GALNTL6: variants seen among roughly 807,000 people sequenced by gnomAD.
The protein encoded by GALNTL6 is polypeptide N-acetylgalactosaminyltransferase like 6, also known as polypeptide N-acetylgalactosaminyltransferase-like 6.
A neutral mutation model predicts 73.7 loss-of-function variants in GALNTL6; 46 were observed. That is an observed-to-expected ratio of 0.62 (90% CI 0.49 to 0.80). The LOEUF is 0.80. GALNTL6 is among the 30% of genes least tolerant of loss of function. The pLI is 0.00. For synonymous variants in GALNTL6, 259 were observed against 263.7 expected (o/e 0.98, Z 0.17); for missense variants, 604 against 755.0 (o/e 0.80, Z 2.34).
chr4:172,397,671 A>G (rs890671245), intron 5 of GALNTL6, among the ~76,000 whole-genome samples: 1 of 151,910 alleles, frequency 6.6e-6, no homozygotes, highest in African/African-American at 2.4e-5. Flanking sequence ...TTTGCCTCCC[A>G]GATTCAAGCA....
intron 4 of GALNTL6, 32 bp downstream of exon 4, chr4:172,311,784 G>T (rs775530857): frequency 1.1e-5 from 16 of 1,430,424 alleles, no homozygotes; most frequent in East Asian, 2.5e-5. Flanking sequence ...ATCAGGGTGG[G>T]TTTTTTTGGT....
chr4:172,152,615 T>G (rs942240907), intron 2 of GALNTL6, among the ~76,000 whole-genome samples: 1 of 152,232 alleles, frequency 6.6e-6, no homozygotes. Context: ...CAATTTTTTC[T>G]TTCTTTTTTC....
At chr4:172,338,821 C>G (rs936030545) in intron 4 of GALNTL6, among the ~76,000 whole-genome samples, 1 of 152,146 alleles carries the variant, frequency 6.6e-6, no homozygotes, top group Non-Finnish European at 1.5e-5. Context: ...GGCGCAGCCA[C>G]CAAGCACCAA....
At chr4:172,744,381 T>C (rs1736975190) in intron 5 of GALNTL6, among the ~76,000 whole-genome samples, 1 of 152,106 alleles carries the variant, frequency 6.6e-6, no homozygotes, top group Non-Finnish European at 1.5e-5. Context: ...GAGAAAGTAC[T>C]AGCAATACAT....
intron 7 of GALNTL6, among the ~76,000 whole-genome samples, chr4:172,851,392 G>A (rs764401545): frequency 6.7e-6 from 1 of 149,162 alleles, no homozygotes; most frequent in Non-Finnish European, 1.5e-5. Context: ...ATATATGTAT[G>A]TATGTACTTA....
chr4:173,039,231 A>G (rs1037144024), intron 12 of GALNTL6, among the ~76,000 whole-genome samples: 3 of 152,226 alleles, frequency 2.0e-5, no homozygotes, highest in African/African-American at 7.2e-5. Context: ...AGCAATGAGA[A>G]CGGCAGCACT....
intron 2 of GALNTL6, among the ~76,000 whole-genome samples, chr4:171,921,449 TATCTATACACAGTATGC>T: frequency 6.6e-6 from 1 of 152,100 alleles, no homozygotes; most frequent in Non-Finnish European, 1.5e-5. Context: ...CATAAATGCA[TATCTATACACAGTATGC>T]ATTAGCACAC....
At chr4:172,015,679 A>C (rs959358478) in intron 2 of GALNTL6, among the ~76,000 whole-genome samples, 3 of 151,920 alleles carry the variant, frequency 2.0e-5, no homozygotes, top group Non-Finnish European at 4.4e-5. Flanking sequence ...GGTATATTTC[A>C]AGGTTTTGTT....
intron 2 of GALNTL6, among the ~76,000 whole-genome samples, chr4:172,035,132 T>C (rs895158876): frequency 6.6e-6 from 1 of 152,086 alleles, no homozygotes; most frequent in Middle Eastern, 3.2e-3. Flanking sequence ...ACAAGTATGC[T>C]TATTACCTGA....
intron 8 of GALNTL6, among the ~76,000 whole-genome samples, chr4:172,892,350 G>T (rs1746076893): frequency 6.6e-6 from 1 of 152,156 alleles, no homozygotes; most frequent in African/African-American, 2.4e-5. Flanking sequence ...TGACTGTGGT[G>T]TATGTTGTGT....
Position 172,960,358 on chromosome 4 carries a change from G to A in GALNTL6, c.1371+8100G>A, listed in dbSNP as rs185807328. On this transcript the variant is annotated intron_variant, in intron 10 of 12. Transcript: ENST00000506823. ...GGTTGGGGAGGGCTAGTCACGGAAC[G>A]AAACTGTAAGCCAGACCGGGTGTGA... Among the ~76,000 whole-genome samples, 783 of 152,334 alleles carry A rather than the reference G, an allele frequency of 5.1e-3. 8 individuals carry two copies. The highest frequency in any genetic ancestry group is 6.1e-3 in the Non-Finnish European group (413 of 68,028).
intron 7 of GALNTL6, among the ~76,000 whole-genome samples, chr4:172,839,064 G>A (rs899170383): frequency 3.3e-5 from 5 of 152,170 alleles, no homozygotes; most frequent in African/African-American, 1.2e-4. Flanking sequence ...ATAACAGCCA[G>A]AGAGTTCATA....
At position 172,190,350 on chromosome 4, in the gene GALNTL6, T is replaced by C. The variant is rs1010671154; in HGVS notation, c.139-39306T>C. On this transcript the variant is annotated intron_variant, in intron 2 of 12. Transcript: ENST00000506823. ...GAAGATTGAATGGCAAGTCAAGTCA[T>C]ATATTGTACTTGTTGCCATGAAACT... Among the ~76,000 whole-genome samples the C allele has an allele frequency of 3.3e-5, 5 of 152,196 alleles. No homozygotes were observed. In the East Asian group the frequency reaches 9.6e-4, roughly 29 times the overall value.
At chr4:172,299,335 C>T (rs111959181) in intron 3 of GALNTL6, among the ~76,000 whole-genome samples, 4 of 152,076 alleles carry the variant, frequency 2.6e-5, no homozygotes, top group East Asian at 1.9e-4. Flanking sequence ...GATTCATTGA[C>T]TTTTTGAAGG....
chr4:173,007,512 G>A (rs1752355597), intron 10 of GALNTL6, among the ~76,000 whole-genome samples: 1 of 152,118 alleles, frequency 6.6e-6, no homozygotes, highest in Non-Finnish European at 1.5e-5. Flanking sequence ...CAAGCAGGAA[G>A]ATATGATGGA....
chr4:172,186,588 A>G (rs534050248), intron 2 of GALNTL6, among the ~76,000 whole-genome samples: 1 of 152,266 alleles, frequency 6.6e-6, no homozygotes, highest in African/African-American at 2.4e-5. Flanking sequence ...ATAGAAAGAA[A>G]TGAAGTACAG....
intron 5 of GALNTL6, among the ~76,000 whole-genome samples, chr4:172,699,760 T>C (rs535191213): frequency 6.6e-6 from 1 of 152,318 alleles, no homozygotes; most frequent in South Asian, 2.1e-4. Flanking sequence ...TATGTTCCAA[T>C]AAATAAGTTT....
chr4:172,567,319 C>T (rs191796256), intron 5 of GALNTL6, among the ~76,000 whole-genome samples: 1 of 152,116 alleles, frequency 6.6e-6, no homozygotes, highest in Non-Finnish European at 1.5e-5. Flanking sequence ...AGTTGATGGG[C>T]CCCATGAAAT....
chr4:172,136,231 G>A (rs557969721), intron 2 of GALNTL6, among the ~76,000 whole-genome samples: 12 of 152,054 alleles, frequency 7.9e-5, no homozygotes, highest in Middle Eastern at 6.8e-3. Flanking sequence ...TTGAAAATCT[G>A]AAACTATTTG....
Sources: allele counts gnomAD v4.1 joint callset (sites outside exome capture counted in the v4.1 genomes callset), GRCh38; gene constraint gnomAD v4.1.1; transcripts MANE v1.5; gene names NCBI Gene and HGNC (gene_info 2026-07-23, HGNC 2026-07-21).